Variants in TBCK observed in about 807,000 individuals in gnomAD.
The protein encoded by TBCK is TBC1 domain containing kinase.
Under a neutral mutation model 113.4 loss-of-function variants are expected in TBCK, and 99 were observed. The observed-to-expected ratio is 0.87, with a 90% CI of 0.74 to 1.03. The LOEUF (loss-of-function observed/expected upper bound fraction) is 1.03. TBCK is among the 50% of genes least tolerant of loss of function. TBCK has a pLI of 0.00. For synonymous variants in TBCK, 369 were observed against 370.8 expected (o/e 1.00, Z 0.05); for missense variants, 1,045 against 1,061.3 (o/e 0.98, Z 0.21).
At chr4:106,230,295 A>T in intron 19 of TBCK, 68 bp downstream of exon 19, 1 of 979,404 alleles carries the variant, frequency 1.0e-6, no homozygotes, top group Non-Finnish European at 1.5e-6. Context: ...AATTTAATCA[A>T]ATATTACATC....
At position 106,042,547 on chromosome 4, in the gene TBCK, G is replaced by T. The variant is rs1733928038; in HGVS notation, c.*4023C>A. The T allele has an allele frequency of 6.6e-6, 1 of 152,062 alleles. No homozygotes were observed. 9.4% of individuals were successfully genotyped at this position (152,062 alleles called of 1,614,324 possible). A position where few individuals can be genotyped will look rare whatever the true frequency, so the allele number is the denominator to read the frequency against. ...GCTAATTTTTTGTATTTTTAGTAGA[G>T]ATGGGGTTTCACCGTGTTAGCCAGG... On this transcript the variant is annotated 3_prime_UTR_variant, in exon 26 of 26. Coordinates refer to ENST00000394708, the MANE Select transcript of TBCK (RefSeq NM_001163435.3).
chr4:106,208,666 T>C (rs1037608093), intron 20 of TBCK, among the ~76,000 whole-genome samples: 1 of 152,030 alleles, frequency 6.6e-6, no homozygotes, highest in Non-Finnish European at 1.5e-5. Flanking sequence ...TTCTTGGACA[T>C]GGGAAAAGAA....
At chr4:106,119,362 T>C (rs1433744072) in intron 23 of TBCK, among the ~76,000 whole-genome samples, 2 of 152,100 alleles carry the variant, frequency 1.3e-5, no homozygotes, top group African/African-American at 4.8e-5. Context: ...AATCAATGTA[T>C]TTACAGCCAA....
chr4:106,195,504 G>GTGTGTGTGTA (rs1240872125), intron 20 of TBCK, among the ~76,000 whole-genome samples: 6 of 151,786 alleles, frequency 4.0e-5, no homozygotes, highest in Non-Finnish European at 5.9e-5. Context: ...GTGTGTGTGT[G>GTGTGTGTGTA]TGTGTTTGTG....
intron 22 of TBCK, among the ~76,000 whole-genome samples, chr4:106,178,801 T>A (rs1417166793): frequency 6.7e-6 from 1 of 150,000 alleles, no homozygotes; most frequent in Non-Finnish European, 1.5e-5. Context: ...TCCTCTTCAT[T>A]TTTTTTTTAA....
intron 5 of TBCK, among the ~76,000 whole-genome samples, chr4:106,259,142 TTTAAGA>T (rs1394670427): frequency 6.6e-6 from 1 of 151,810 alleles, no homozygotes. Context: ...CTGAATAAAG[TTTAAGA>T]TTATTATCTA....
intron 18 of TBCK, among the ~76,000 whole-genome samples, chr4:106,230,669 T>A (rs1758759768): frequency 6.6e-6 from 1 of 151,892 alleles, no homozygotes; most frequent in Non-Finnish European, 1.5e-5. Flanking sequence ...TAACTTCAAT[T>A]TCAAACTAGC....
intron 23 of TBCK, chr4:106,164,380 C>T (rs1055205506): frequency 6.6e-6 from 1 of 151,914 alleles, no homozygotes; most frequent in Non-Finnish European, 1.5e-5. Flanking sequence ...TTGTACTTTT[C>T]CTTATACTTA....
chr4:106,118,399 G>T (rs979658831), intron 23 of TBCK, among the ~76,000 whole-genome samples: 1 of 151,814 alleles, frequency 6.6e-6, no homozygotes, highest in African/African-American at 2.4e-5. Flanking sequence ...AAGCTTTATG[G>T]GTTTATAGCT....
intron 25 of TBCK, among the ~76,000 whole-genome samples, chr4:106,072,870 C>T (rs1402019469): frequency 1.3e-5 from 2 of 152,146 alleles, no homozygotes; most frequent in Non-Finnish European, 2.9e-5. Flanking sequence ...TGATACGCTT[C>T]TTTCCACTTG....
At chr4:106,107,809 G>A (rs1312241028) in intron 24 of TBCK, among the ~76,000 whole-genome samples, 3 of 152,080 alleles carry the variant, frequency 2.0e-5, no homozygotes, top group Non-Finnish European at 4.4e-5. Context: ...AGGAAATCAA[G>A]GCATGAAAAA....
intron 25 of TBCK, among the ~76,000 whole-genome samples, chr4:106,051,282 G>T (rs1734779028): frequency 1.3e-5 from 2 of 151,824 alleles, no homozygotes; most frequent in Non-Finnish European, 2.9e-5. Context: ...GAAGATTTAG[G>T]GAGGAACACA....
intron 3 of TBCK, among the ~76,000 whole-genome samples, chr4:106,278,513 C>T (rs990231146): frequency 2.3e-5 from 3 of 131,946 alleles, no homozygotes; most frequent in Non-Finnish European, 3.1e-5. Context: ...GAGCCCAGAT[C>T]GTGCCACTGC....
Position 106,285,814 on chromosome 4 carries a change from C to T in TBCK, c.266+9280G>A, listed in dbSNP as rs28496675. Among the ~76,000 whole-genome samples, 556 of 152,268 alleles carry T rather than the reference C, an allele frequency of 3.7e-3. 3 individuals are homozygous for T. Among genetic ancestry groups the T allele is most frequent in the African/African-American group, 0.013 (528 of 41,546 alleles). On this transcript the variant is annotated intron_variant, in intron 3 of 25. Transcript: ENST00000394708. ...CCCTTCTTGCAGGTGCAGGTGCTTA[C>T]TTTTGGTAGTAAAGGAAAGAACTAA... is the stretch of plus-strand genomic sequence containing the variant.
At position 106,218,896 on chromosome 4, in the gene TBCK, T is replaced by G. The variant is rs1236904035; in HGVS notation, c.1775-6061A>C. Among the ~76,000 whole-genome samples the G allele has an allele frequency of 4.6e-5, 7 of 150,592 alleles. No individual in the cohort carries two copies. In the East Asian group the frequency reaches 1.4e-3, roughly 30 times the overall value. On this transcript the variant is annotated intron_variant, in intron 19 of 25. Coordinates refer to ENST00000394708, the MANE Select transcript of TBCK (RefSeq NM_001163435.3). ...TATATACCCAAAGGACTATAAATCA[T>G]GCTGCTATAAAGACACATGCACACA...
chr4:106,168,472 A>G (rs1263947328), intron 23 of TBCK, among the ~76,000 whole-genome samples: 2 of 151,966 alleles, frequency 1.3e-5, no homozygotes. Flanking sequence ...TTTTAACATT[A>G]TATTAGATGT....
intron 13 of TBCK, 35 bp from the exon 14 acceptor site, chr4:106,236,554 AT>A (rs1759491833): frequency 1.5e-6 from 2 of 1,351,566 alleles, no homozygotes; most frequent in Non-Finnish European, 2.0e-6. Context: ...AAAAAAAAAA[AT>A]GGACAAAAGG....
intron 24 of TBCK, among the ~76,000 whole-genome samples, chr4:106,097,903 G>T (rs1452946016): frequency 6.6e-6 from 1 of 151,994 alleles, no homozygotes; most frequent in African/African-American, 2.4e-5. Context: ...GAAAATTTTT[G>T]ACATATGGTG....
intron 3 of TBCK, among the ~76,000 whole-genome samples, chr4:106,266,871 T>C (rs1050464984): frequency 6.6e-6 from 1 of 151,930 alleles, no homozygotes; most frequent in African/African-American, 2.4e-5. Context: ...ACTTGGGTCA[T>C]GAAATTTTTT....
Sources: allele counts gnomAD v4.1 joint callset (sites outside exome capture counted in the v4.1 genomes callset), GRCh38; gene constraint gnomAD v4.1.1; transcripts MANE v1.5; gene names NCBI Gene and HGNC (gene_info 2026-07-23, HGNC 2026-07-21).